PREX1: variants seen among roughly 807,000 people sequenced by gnomAD.
PREX1 encodes phosphatidylinositol 3,4,5-trisphosphate-dependent Rac exchanger 1 protein.
In PREX1, 41 loss-of-function variants were observed where a neutral mutation model predicts 198.3. The observed-to-expected ratio is 0.21, with a 90% CI of 0.16 to 0.27. The LOEUF (loss-of-function observed/expected upper bound fraction) is 0.27. Ranked by LOEUF, PREX1 falls within the 10% of genes least tolerant of loss-of-function variation. The pLI is 1.00. For synonymous variants in PREX1, 843 were observed against 887.2 expected (o/e 0.95, Z 0.89); for missense variants, 1,620 against 2,200.7 (o/e 0.74, Z 5.28).
At chr20:48,688,564 G>A (rs1601077623) in intron 10 of PREX1, 93 bp downstream of exon 10, 2 of 1,510,412 alleles carry the variant, frequency 1.3e-6, no homozygotes, top group Non-Finnish European at 1.8e-6. Flanking sequence ...TGGCTCCTGG[G>A]CAGGGCCAGG....
intron 1 of PREX1, among the ~76,000 whole-genome samples, chr20:48,789,105 C>T (rs1277837856): frequency 6.6e-6 from 1 of 152,202 alleles, no homozygotes; most frequent in Non-Finnish European, 1.5e-5. Flanking sequence ...CATTGAGCCC[C>T]ACCATGCAAG....
Position 48,814,309 on chromosome 20 carries a change from A to T in PREX1, c.219+13333T>A, listed in dbSNP as rs6019438. On this transcript the variant is annotated intron_variant, in intron 1 of 39. Transcript: ENST00000371941. ...TGTGACCTCATGCAACTTACATTCT[A>T]ATGGGAGAGACAGATACTAAACAAA... Among the ~76,000 whole-genome samples the T allele has an allele frequency of 1.6e-3, 239 of 152,358 alleles. 3 individuals carry two copies. The highest frequency in any genetic ancestry group is 5.3e-3 in the African/African-American group (222 of 41,596).
At chr20:48,763,871 G>C (rs2090195756) in intron 1 of PREX1, among the ~76,000 whole-genome samples, 1 of 152,094 alleles carries the variant, frequency 6.6e-6, no homozygotes, top group Admixed American at 6.5e-5. Flanking sequence ...TTCAGTTTAG[G>C]GAGTGTCAAC....
chr20:48,646,582 T>C (rs1051485798), intron 25 of PREX1, among the ~76,000 whole-genome samples: 1 of 149,834 alleles, frequency 6.7e-6, no homozygotes, highest in Non-Finnish European at 1.5e-5. Flanking sequence ...TCCCAGCTAC[T>C]CGGGAGGCTC....
chr20:48,638,057 A>C (rs576273976), intron 30 of PREX1, among the ~76,000 whole-genome samples: 24 of 152,290 alleles, frequency 1.6e-4, no homozygotes, highest in African/African-American at 5.5e-4. Flanking sequence ...TGTTCACATA[A>C]GTATGGTCAC....
At chr20:48,867,500 T>C in the PREX1 span, among the ~76,000 whole-genome samples, 3 of 152,124 alleles carry the variant, frequency 2.0e-5, 1 homozygote, top group Admixed American at 6.5e-5. Flanking sequence ...TGAGAATCCA[T>C]CCTAGAACTT....
intron 1 of PREX1, among the ~76,000 whole-genome samples, chr20:48,806,111 G>A (rs759548154): frequency 6.6e-6 from 1 of 152,196 alleles, no homozygotes; most frequent in Non-Finnish European, 1.5e-5. Flanking sequence ...GTAGCAGGTA[G>A]AGTCCAGACA....
intron 1 of PREX1, among the ~76,000 whole-genome samples, chr20:48,805,825 T>G (rs768151133): frequency 6.6e-6 from 1 of 152,168 alleles, no homozygotes; most frequent in African/African-American, 2.4e-5. Context: ...CAGTGCCAAC[T>G]GACAATGAGA....
Position 48,645,764 on chromosome 20 carries a change from A to G in PREX1, c.3512+87T>C. Reference sequence around the variant, plus strand: ...GCCCACTGCACCCTGAGAAGTGTCCACTGATTCTGATGTTGCCACGGGTCC... The same window carrying G: ...GCCCACTGCACCCTGAGAAGTGTCCGCTGATTCTGATGTTGCCACGGGTCC... On this transcript the variant is annotated intron_variant, in intron 26 of 39. Coordinates refer to ENST00000371941, the MANE Select transcript of PREX1 (RefSeq NM_020820.4). The G allele has an allele frequency of 4.9e-6, 7 of 1,430,312 alleles. No individual in the cohort carries two copies. The South Asian group carries it at 7.6e-5, about 15-fold the overall frequency. The allele number at this position is 1,430,312 out of a possible 1,614,324, so 88.6% of individuals were successfully genotyped here.
intron 32 of PREX1, 104 bp from the exon 33 acceptor site, chr20:48,634,879 G>C (rs751070079): frequency 2.1e-6 from 2 of 956,308 alleles, no homozygotes; most frequent in East Asian, 2.6e-5. Context: ...CACACTGTGG[G>C]CCCCCTGGGT....
intron 8 of PREX1, chr20:48,692,386 G>A (rs769232886): frequency 3.3e-6 from 1 of 305,000 alleles, no homozygotes; most frequent in Non-Finnish European, 6.2e-6. Context: ...AGGTAAAAAT[G>A]TCTTTAAAAA....
chr20:48,779,752 G>A (rs2090279923), intron 1 of PREX1, among the ~76,000 whole-genome samples: 1 of 152,234 alleles, frequency 6.6e-6, no homozygotes, highest in East Asian at 1.9e-4. Context: ...GTCTCAAAAG[G>A]TGGTGTACAG....
chr20:48,729,867 T>C (rs1225941572), intron 4 of PREX1, among the ~76,000 whole-genome samples: 7 of 152,052 alleles, frequency 4.6e-5, no homozygotes, highest in Non-Finnish European at 7.4e-5. Flanking sequence ...TCTTTACAGA[T>C]GTATGGTAAT....
chr20:48,649,486 G>A lies in PREX1; in HGVS notation c.3119C>T (p.Pro1040Leu), dbSNP rs1446980061. The A allele has an allele frequency of 1.2e-6, 2 of 1,613,974 alleles. No individual in the cohort carries two copies. The highest frequency in any genetic ancestry group is 1.3e-5 in the African/African-American group (1 of 74,894). Residue 1040 changes from proline (P) to leucine (L), a missense_variant, in exon 25 of 40, where the codon CCC (proline) becomes CTC (leucine). Coordinates refer to ENST00000371941, the MANE Select transcript of PREX1 (RefSeq NM_020820.4). Reference sequence around the variant, plus strand: ...GCCATCATGGAGACCCTGGCCTTGGGGATCACCCTCTGCAGCAGGCAAGCA... The same window carrying A: ...GCCATCATGGAGACCCTGGCCTTGGAGATCACCCTCTGCAGCAGGCAAGCA... ...WKCLPAAEGD[P>L]QGQGLHDGSF...
At chr20:48,819,983 G>A (rs1021192200) in intron 1 of PREX1, among the ~76,000 whole-genome samples, 6 of 152,182 alleles carry the variant, frequency 3.9e-5, no homozygotes, top group African/African-American at 1.2e-4. Flanking sequence ...GGGTCCTGAC[G>A]GCCAATGGCC....
chr20:48,655,301 G>A lies in PREX1; in HGVS notation c.2198C>T (p.Ala733Val). ...IRGAAPPYVY[A>V]VGRGSEAMAA... ...AGGCTCCCACTCACCTCTCCCCACA[G>A]CATAGACGTACGGTGGGGCAGCTCC... Residue 733 changes from alanine to valine, a missense_variant, in exon 19 of 40, where the codon GCT becomes GTT. This residue lies in a region of PREX1 where 514 missense variants were observed against 611.6 expected (regional missense o/e 0.84). Transcript: ENST00000371941. 1 of 1,584,356 alleles carries A rather than the reference G, an allele frequency of 6.3e-7. No homozygotes were observed. The highest frequency in any genetic ancestry group is 8.6e-7 in the Non-Finnish European group (1 of 1,156,628).
At chr20:48,828,525 C>A (rs1199582526), upstream of PREX1, among the ~76,000 whole-genome samples, 3 of 152,224 alleles carry the variant, frequency 2.0e-5, no homozygotes, top group African/African-American at 7.2e-5. Context: ...GGGGCGACCG[C>A]TGCCTGGGCA....
At chr20:48,808,180 T>G (rs2090420366) in intron 1 of PREX1, among the ~76,000 whole-genome samples, 1 of 152,110 alleles carries the variant, frequency 6.6e-6, no homozygotes. Context: ...GGGGCTGACC[T>G]CAGGCACAGG....
chr20:48,745,614 G>T (rs2090104036), intron 2 of PREX1, among the ~76,000 whole-genome samples: 1 of 152,116 alleles, frequency 6.6e-6, no homozygotes, highest in Non-Finnish European at 1.5e-5. Context: ...AAAATGACGT[G>T]GTAGAAGAAA....
Sources: allele counts gnomAD v4.1 joint callset (sites outside exome capture counted in the v4.1 genomes callset), GRCh38; gene constraint gnomAD v4.1.1; regional missense constraint gnomAD v4.1.1; transcripts MANE v1.5; gene names NCBI Gene and HGNC (gene_info 2026-07-23, HGNC 2026-07-21).